CHST6: variants seen among roughly 807,000 people sequenced by gnomAD.
The protein encoded by CHST6 is N-acetylglucosamine 6-O-sulfotransferase 5.
For synonymous variants in CHST6, 309 were observed against 276.4 expected, an observed-to-expected ratio of 1.12 and a Z score of -1.17; for missense variants, 698 against 586.2, an observed-to-expected ratio of 1.19 and a Z score of -1.97.
chr16:75,482,967 C>T (rs1402048261), intron 1 of CHST6, among the ~76,000 whole-genome samples: 1 of 152,226 alleles, frequency 6.6e-6, no homozygotes, highest in Non-Finnish European at 1.5e-5. Flanking sequence ...CCTCCAGTGC[C>T]AGTGGGCTGA....
Position 75,474,910 on chromosome 16 carries a change from C to G in CHST6, c.*3731G>C. 1 of 372,176 alleles carries G rather than the reference C, an allele frequency of 2.7e-6. No individual in the cohort carries two copies. 23.1% of individuals were successfully genotyped at this position (372,176 alleles called of 1,614,324 possible). ...TCCTGGGTTCAAGCGATTCTCCTGTCTCAGCCTCCCAAGTAGCTGGCCTTA... is the reference window on the plus strand; with the variant it reads ...TCCTGGGTTCAAGCGATTCTCCTGTGTCAGCCTCCCAAGTAGCTGGCCTTA... On this transcript the variant is annotated 3_prime_UTR_variant, in exon 3 of 3. Coordinates refer to ENST00000332272, the MANE Select transcript of CHST6 (RefSeq NM_021615.5).
chr16:75,486,547 C>G (rs2058193475), intron 1 of CHST6, among the ~76,000 whole-genome samples: 1 of 152,190 alleles, frequency 6.6e-6, no homozygotes, highest in South Asian at 2.1e-4. Context: ...AACTATTGGC[C>G]TAGGAATGGG....
At chr16:75,481,783 C>G (rs1474009190) in intron 2 of CHST6, 34 bp downstream of exon 2, 3 of 482,762 alleles carry the variant, frequency 6.2e-6, no homozygotes, top group South Asian at 4.7e-5. Context: ...GAGGTGAGAG[C>G]AGAGGACTGT....
chr16:75,490,895 T>A (rs1362026397), intron 1 of CHST6: 1 of 152,058 alleles, frequency 6.6e-6, no homozygotes, highest in East Asian at 1.9e-4. Context: ...AAATGTGGTG[T>A]AACCACACAG....
intron 1 of CHST6, among the ~76,000 whole-genome samples, chr16:75,491,190 A>AAAAATAAAT (rs1206595857): frequency 2.0e-5 from 1 of 50,076 alleles, no homozygotes; most frequent in African/African-American, 1.1e-4. Flanking sequence ...AAAAAAAAAA[A>AAAAATAAAT]ATATATATAT....
At position 75,478,348 on chromosome 16, in the gene CHST6, C is replaced by T. The variant is rs2080088567; in HGVS notation, c.*293G>A. 1 of 476,756 alleles carries T rather than the reference C, an allele frequency of 2.1e-6. No individual in the cohort carries two copies. The highest frequency in any genetic ancestry group is 2.0e-5 in the African/African-American group (1 of 50,920). 29.5% of individuals were successfully genotyped at this position (476,756 alleles called of 1,614,324 possible). On this transcript the variant is annotated 3_prime_UTR_variant, in exon 3 of 3. Coordinates refer to ENST00000332272, the MANE Select transcript of CHST6 (RefSeq NM_021615.5). The stretch of plus-strand genomic sequence containing the variant: ...GGAGAGAGTTAAAGGGGAAGAAAGC[C>T]CTTGAGTAGGAGCCAAGTCATCTGA...
In CHST6 at chr16:75,474,514, G is replaced by T; in HGVS notation, c.*4127C>A. The T allele has an allele frequency of 7.6e-6, 3 of 396,540 alleles. No homozygotes were observed. The highest frequency in any genetic ancestry group is 1.3e-5 in the Non-Finnish European group (3 of 225,172). 24.6% of individuals were successfully genotyped at this position (396,540 alleles called of 1,614,324 possible). A position where few individuals can be genotyped will look rare whatever the true frequency, so the allele number is the denominator to read the frequency against. ...TGGTCTTGAGTGCCTGGTCTCAAGT[G>T]ATCCTCCTGCCTCAGCCTTGCAAAG... On this transcript the variant is annotated 3_prime_UTR_variant, in exon 3 of 3. Coordinates refer to ENST00000332272, the MANE Select transcript of CHST6 (RefSeq NM_021615.5).
chr16:75,494,212 C>T (rs763591728), intron 1 of CHST6, among the ~76,000 whole-genome samples: 2 of 152,118 alleles, frequency 1.3e-5, no homozygotes, highest in African/African-American at 4.8e-5. Flanking sequence ...AGGGGTGTGA[C>T]TTAGAGCAAG....
At chr16:75,493,121 G>T (rs2080273413) in intron 1 of CHST6, among the ~76,000 whole-genome samples, 1 of 152,094 alleles carries the variant, frequency 6.6e-6, no homozygotes, top group Non-Finnish European at 1.5e-5. Context: ...AAAGACAGTA[G>T]GTATAGAGCA....
intron 1 of CHST6, among the ~76,000 whole-genome samples, chr16:75,493,271 G>A (rs182631800): frequency 3.3e-5 from 5 of 152,150 alleles, no homozygotes; most frequent in Middle Eastern, 3.4e-3. Flanking sequence ...AGCACTTTGC[G>A]AGGCTGAGGA....
chr16:75,484,267 G>A (rs983739442), intron 1 of CHST6, among the ~76,000 whole-genome samples: 1 of 152,200 alleles, frequency 6.6e-6, no homozygotes, highest in African/African-American at 2.4e-5. Context: ...AATCCAGGAG[G>A]TGGAGGTTGC....
rs1346646906 is a variant in CHST6, at chr16:75,472,361, A to T, written c.*6280T>A. 6.6e-6 allele frequency: 1 copy of T among 152,218 alleles called. No individual in the cohort carries two copies. Among genetic ancestry groups the T allele is most frequent in the Non-Finnish European group, 1.5e-5 (1 of 68,034 alleles). 9.4% of individuals were successfully genotyped at this position (152,218 alleles called of 1,614,324 possible). On this transcript the variant is annotated 3_prime_UTR_variant, in exon 3 of 3. Coordinates refer to ENST00000332272, the MANE Select transcript of CHST6 (RefSeq NM_021615.5). ...AAACAACAACAACAAAAAACAGATG[A>T]CAAGCTAGGAGAAACCATTTGCACA...
intron 1 of CHST6, among the ~76,000 whole-genome samples, chr16:75,493,380 G>T (rs537907983): frequency 6.6e-6 from 1 of 151,932 alleles, no homozygotes; most frequent in Admixed American, 6.6e-5. Flanking sequence ...GTGGTGGCGG[G>T]TGCCTGTAAT....
At chr16:75,490,149 G>A (rs116584943) in intron 1 of CHST6, among the ~76,000 whole-genome samples, 2,085 of 139,226 alleles carry the variant, frequency 0.015, 67 homozygotes, top group African/African-American at 0.05. Flanking sequence ...TTCTAGCCTG[G>A]GGAACAAGAG....
At chr16:75,484,262 A>G (rs2080171927) in intron 1 of CHST6, among the ~76,000 whole-genome samples, 1 of 152,142 alleles carries the variant, frequency 6.6e-6, no homozygotes, top group Non-Finnish European at 1.5e-5. Context: ...GCTTGAATCC[A>G]GGAGGTGGAG....
chr16:75,478,577 C>G lies in CHST6; in HGVS notation c.*64G>C. The G allele has an allele frequency of 1.3e-6, 2 of 1,552,952 alleles. No homozygotes were observed. Among genetic ancestry groups the G allele is most frequent in the South Asian group, 2.2e-5 (2 of 89,666 alleles). On this transcript the variant is annotated 3_prime_UTR_variant, in exon 3 of 3. Transcript: ENST00000332272. ...ATAGGGACCTGCTTCTCCGTGCGCC[C>G]CAGCCCCCTCTGCACCATGCACTCT... is the stretch of plus-strand genomic sequence containing the variant.
In CHST6 at chr16:75,480,539, C is replaced by A. The variant is rs1274238895; in HGVS notation, c.-16-695G>T. ...GTAATGTCCCTAACTGAAGAGTGCCCTTGCTACAGCGTGTGCTTCTGCAGT... is the reference window on the plus strand; with the variant it reads ...GTAATGTCCCTAACTGAAGAGTGCCATTGCTACAGCGTGTGCTTCTGCAGT... On this transcript the variant is annotated intron_variant, in intron 2 of 2. Coordinates refer to ENST00000332272, the MANE Select transcript of CHST6 (RefSeq NM_021615.5). 2.0e-5 allele frequency among the ~76,000 whole-genome samples: 3 copies of A among 150,096 alleles called. No individual in the cohort carries two copies. The Admixed American group carries it at 2.0e-4, about 10-fold the overall frequency.
At chr16:75,484,718 C>T (rs2080177279) in intron 1 of CHST6, among the ~76,000 whole-genome samples, 1 of 152,040 alleles carries the variant, frequency 6.6e-6, no homozygotes, top group African/African-American at 2.4e-5. Context: ...GTGGTGAGTG[C>T]CTGTAGTCCC....
In CHST6 at chr16:75,474,806, T is replaced by C; in HGVS notation, c.*3835A>G. The C allele has an allele frequency of 5.1e-6, 2 of 395,308 alleles. No homozygotes were observed. Among genetic ancestry groups the C allele is most frequent in the Non-Finnish European group, 8.9e-6 (2 of 224,116 alleles). 24.5% of individuals were successfully genotyped at this position (395,308 alleles called of 1,614,324 possible). A position where few individuals can be genotyped will look rare whatever the true frequency, so the allele number is the denominator to read the frequency against. Reference sequence around the variant, plus strand: ...CAACTCACTCCTGAAATAATGGTGGTTTTTTTTAAGACAGACTCTCGCTTT... The same window carrying C: ...CAACTCACTCCTGAAATAATGGTGGCTTTTTTTAAGACAGACTCTCGCTTT... On this transcript the variant is annotated 3_prime_UTR_variant, in exon 3 of 3. Coordinates refer to ENST00000332272, the MANE Select transcript of CHST6 (RefSeq NM_021615.5).
Sources: allele counts gnomAD v4.1 joint callset (sites outside exome capture counted in the v4.1 genomes callset), GRCh38; gene constraint gnomAD v4.1.1; transcripts MANE v1.5; gene names NCBI Gene and HGNC (gene_info 2026-07-23, HGNC 2026-07-21).